Variants in RBFOX1 observed in about 807,000 individuals in gnomAD.
RBFOX1 encodes RNA binding protein fox-1 homolog 1.
RBFOX1 carries 8 observed loss-of-function variants against 57.7 expected under a neutral mutation model. That is an observed-to-expected ratio of 0.14 (90% CI 0.08 to 0.25). The LOEUF is 0.25. Among genes scored for constraint, RBFOX1 ranks in the 10% least tolerant of loss-of-function variants. The pLI is 1.00. For missense variants in RBFOX1, 611 were observed against 548.5 expected, an observed-to-expected ratio of 1.11 and a Z score of -1.14; for synonymous variants, 326 against 222.4, an observed-to-expected ratio of 1.47 and a Z score of -4.15.
chr16:7,197,346 A>C (rs575430147), intron 4 of RBFOX1, among the ~76,000 whole-genome samples: 18 of 151,678 alleles, frequency 1.2e-4, no homozygotes, highest in African/African-American at 3.4e-4. Flanking sequence ...GATCTTGGGA[A>C]TCCCAGAGCT....
At chr16:7,309,749 G>A (rs2096268796) in intron 4 of RBFOX1, among the ~76,000 whole-genome samples, 2 of 152,164 alleles carry the variant, frequency 1.3e-5, no homozygotes, top group African/African-American at 4.8e-5. Flanking sequence ...TCCTGTGGAA[G>A]GGAACGAAAT....
intron 3 of RBFOX1, among the ~76,000 whole-genome samples, chr16:6,823,339 C>G (rs1019336957): frequency 3.9e-5 from 6 of 152,026 alleles, no homozygotes; most frequent in African/African-American, 1.4e-4. Context: ...TCACTGCAAC[C>G]TCCACCTCTT....
rs533998091 is a variant in RBFOX1 at position 7,196,163 on chromosome 16, A to G, written c.27+144065A>G. On this transcript the variant is annotated intron_variant, in intron 4 of 15. Coordinates refer to ENST00000550418, the MANE Select transcript of RBFOX1 (RefSeq NM_018723.4). ...GGAAGTAAAGGAACAGGCTTGGCCC[A>G]ATAATTTTGAAGTATAAATAATCAG... Among the ~76,000 whole-genome samples the G allele has an allele frequency of 3.5e-4, 54 of 152,178 alleles. 1 individual carries two copies. Among genetic ancestry groups the G allele is most frequent in the Admixed American group, 1.2e-3 (18 of 15,266 alleles).
intron 1 of RBFOX1, among the ~76,000 whole-genome samples, chr16:6,282,018 A>G (rs1011630613): frequency 8.5e-5 from 13 of 152,178 alleles, no homozygotes; most frequent in Non-Finnish European, 4.4e-5. Flanking sequence ...GTACCACTCT[A>G]TAGAGTGGTA....
chr16:7,184,394 A>C (rs1429319209), intron 4 of RBFOX1, among the ~76,000 whole-genome samples: 2 of 152,234 alleles, frequency 1.3e-5, no homozygotes, highest in Admixed American at 1.3e-4. Context: ...GTAGAAGTCT[A>C]GGGGATACAT....
intron 4 of RBFOX1, among the ~76,000 whole-genome samples, chr16:7,133,638 G>GTAGA (rs1405312580): frequency 2.0e-5 from 3 of 152,136 alleles, no homozygotes; most frequent in African/African-American, 7.2e-5. Flanking sequence ...AAGTAACCTT[G>GTAGA]TAGAGCTTTT....
intron 1 of RBFOX1, among the ~76,000 whole-genome samples, chr16:6,171,311 C>A (rs1482375680): frequency 6.6e-6 from 1 of 152,172 alleles, no homozygotes; most frequent in African/African-American, 2.4e-5. Flanking sequence ...TCCAGCCGCA[C>A]CACAACAGGT....
intron 4 of RBFOX1, among the ~76,000 whole-genome samples, chr16:7,254,752 C>T (rs2094611084): frequency 6.6e-6 from 1 of 152,064 alleles, no homozygotes; most frequent in Non-Finnish European, 1.5e-5. Context: ...GGCATTACGT[C>T]TCTGAAGCAT....
chr16:6,980,974 T>G (rs1252669217), intron 3 of RBFOX1, among the ~76,000 whole-genome samples: 1 of 133,204 alleles, frequency 7.5e-6, no homozygotes, highest in Non-Finnish European at 1.5e-5. Flanking sequence ...ACCTGGGAAG[T>G]GGAGGTTGCA....
intron 1 of RBFOX1, among the ~76,000 whole-genome samples, chr16:6,286,053 C>T (rs1292301081): frequency 1.3e-5 from 2 of 152,102 alleles, no homozygotes; most frequent in Admixed American, 6.6e-5. Context: ...AATTATACAC[C>T]ATTTTGGCAC....
intron 3 of RBFOX1, among the ~76,000 whole-genome samples, chr16:5,674,422 C>G (rs915979411): frequency 6.6e-6 from 1 of 152,072 alleles, no homozygotes; most frequent in Non-Finnish European, 1.5e-5. Context: ...GGGTAACATG[C>G]CCGGGCGCAG....
intron 4 of RBFOX1, among the ~76,000 whole-genome samples, chr16:7,431,456 G>T (rs546246738): frequency 1.3e-5 from 2 of 151,794 alleles, no homozygotes; most frequent in African/African-American, 4.8e-5. Context: ...GCCCAGACTG[G>T]TCTCAAGCTC....
chr16:6,476,373 A>G (rs1461108765), intron 2 of RBFOX1, among the ~76,000 whole-genome samples: 5 of 152,200 alleles, frequency 3.3e-5, no homozygotes, highest in Admixed American at 6.5e-5. Context: ...CCTTGGAGAT[A>G]CTGTAGGTTC....
At chr16:5,418,829 A>G (rs2341490) in intron 1 of RBFOX1, among the ~76,000 whole-genome samples, 68,553 of 152,028 alleles carry the variant, frequency 0.45, 17,669 homozygotes, top group East Asian at 0.63. Context: ...CAAAAGAGAA[A>G]GACTCAGACT....
At chr16:6,084,775 C>G (rs1464547284) in intron 1 of RBFOX1, among the ~76,000 whole-genome samples, 3 of 124,872 alleles carry the variant, frequency 2.4e-5, no homozygotes, top group African/African-American at 7.6e-5. Flanking sequence ...CTTGCTTGTT[C>G]TTATGTTTTG....
chr16:6,733,369 C>G (rs958203080), intron 3 of RBFOX1, among the ~76,000 whole-genome samples: 2 of 152,168 alleles, frequency 1.3e-5, no homozygotes, highest in African/African-American at 4.8e-5. Flanking sequence ...CTGAACTGAT[C>G]TGTACACCCA....
intron 2 of RBFOX1, among the ~76,000 whole-genome samples, chr16:5,570,950 C>G (rs2046261822): frequency 6.6e-6 from 1 of 151,910 alleles, no homozygotes; most frequent in Admixed American, 6.6e-5. Context: ...TTGATATTAG[C>G]TAGAAGGGGA....
intron 3 of RBFOX1, among the ~76,000 whole-genome samples, chr16:6,691,963 G>C (rs1219599790): frequency 6.6e-6 from 1 of 152,168 alleles, no homozygotes; most frequent in African/African-American, 2.4e-5. Context: ...GCCTTTTGAA[G>C]CTGGAAAAGT....
intron 1 of RBFOX1, among the ~76,000 whole-genome samples, chr16:5,391,602 T>C (rs116919619): frequency 1.3e-5 from 2 of 152,194 alleles, no homozygotes; most frequent in Non-Finnish European, 2.9e-5. Flanking sequence ...TCAAGCTATC[T>C]CCAGAGTTCG....
Sources: allele counts gnomAD v4.1 joint callset (sites outside exome capture counted in the v4.1 genomes callset), GRCh38; gene constraint gnomAD v4.1.1; transcripts MANE v1.5; gene names NCBI Gene and HGNC (gene_info 2026-07-23, HGNC 2026-07-21).